The following MIPOL1 variants were observed in gnomAD, a reference collection of about 807,000 sequenced individuals.
MIPOL1 encodes mirror-image polydactyly gene 1 protein.
MIPOL1 carries 57 observed loss-of-function variants against 60.9 expected under a neutral mutation model. The ratio of observed to expected loss-of-function variants is 0.94; its 90% CI spans 0.76 to 1.17. MIPOL1 has a LOEUF of 1.17. MIPOL1 is among the 50% of genes most tolerant of loss of function. The probability of loss-of-function intolerance (pLI) is 0.00; values close to 1 mark genes in which losing one functional copy is unlikely to be tolerated. For missense variants in MIPOL1, 551 were observed against 511.6 expected (o/e 1.08, Z -0.74); for synonymous variants, 179 against 168.8 (o/e 1.06, Z -0.47).
At chr14:37,295,412 C>A (rs2085544005) in intron 7 of MIPOL1, among the ~76,000 whole-genome samples, 2 of 152,268 alleles carry the variant, frequency 1.3e-5, no homozygotes, top group South Asian at 4.2e-4. Context: ...AGCAAAATAA[C>A]CAGCTAACAT....
chr14:37,375,132 C>T (rs950391174), intron 10 of MIPOL1, among the ~76,000 whole-genome samples: 3 of 152,008 alleles, frequency 2.0e-5, no homozygotes, highest in Admixed American at 6.6e-5. Context: ...GTATTTTATT[C>T]TTTTTGTAGC....
chr14:37,337,340 ATATATATATATATATATTTTTTTTTTTT>A (rs1380411447), intron 9 of MIPOL1, among the ~76,000 whole-genome samples: 1 of 21,356 alleles, frequency 4.7e-5, no homozygotes, highest in Admixed American at 6.3e-4. Context: ...ATATATATAT[ATATATATATATATATATTTTTTTTTTTT>A]TTTTTTTTTT....
In MIPOL1 at chr14:37,455,895, C is replaced by A. The variant is rs374553918; in HGVS notation, c.1031+32946C>A. On this transcript the variant is annotated intron_variant, in intron 11 of 12. Coordinates refer to ENST00000684589, the MANE Select transcript of MIPOL1 (RefSeq NM_001388067.1). ...TGTGTTTCATTGTGATGTCAATAATCTCCTTAATAGCTCAGATTTAGTAAG... is the reference window on the plus strand; with the variant it reads ...TGTGTTTCATTGTGATGTCAATAATATCCTTAATAGCTCAGATTTAGTAAG... Among the ~76,000 whole-genome samples the A allele has an allele frequency of 2.0e-3, 299 of 152,138 alleles. 2 individuals are homozygous for A. The highest frequency in any genetic ancestry group is 6.7e-3 in the African/African-American group (278 of 41,534).
intron 11 of MIPOL1, among the ~76,000 whole-genome samples, chr14:37,459,971 C>T (rs2094521281): frequency 6.6e-6 from 1 of 151,960 alleles, no homozygotes; most frequent in African/African-American, 2.4e-5. Context: ...CGCAGCTACT[C>T]AGGAGGCTGA....
intron 11 of MIPOL1, among the ~76,000 whole-genome samples, chr14:37,445,349 A>G (rs1185074588): frequency 3.0e-4 from 45 of 152,218 alleles, no homozygotes; most frequent in East Asian, 2.1e-3. Context: ...AAAATACCTA[A>G]GAATCCAACT....
intron 9 of MIPOL1, among the ~76,000 whole-genome samples, chr14:37,359,191 A>AT (rs1397567964): frequency 8.5e-5 from 13 of 152,078 alleles, no homozygotes; most frequent in African/African-American, 3.1e-4. Flanking sequence ...CGATTGGTCT[A>AT]TATATCTGTT....
chr14:37,462,735 G>A (rs765314240), intron 11 of MIPOL1, among the ~76,000 whole-genome samples: 23 of 152,210 alleles, frequency 1.5e-4, no homozygotes, highest in East Asian at 7.7e-4. Context: ...GCTGCCAGTC[G>A]CTTTATTAAA....
chr14:37,305,442 T>C (rs965381461), intron 7 of MIPOL1, among the ~76,000 whole-genome samples: 8 of 151,816 alleles, frequency 5.3e-5, no homozygotes, highest in African/African-American at 1.7e-4. Context: ...TGATCACTTA[T>C]TGTGTATGGC....
chr14:37,280,760 G>A (rs889175084), intron 6 of MIPOL1, among the ~76,000 whole-genome samples: 4 of 152,202 alleles, frequency 2.6e-5, no homozygotes, highest in African/African-American at 9.6e-5. Flanking sequence ...CTGGGTTCAA[G>A]TGATTCTCAT....
intron 12 of MIPOL1, among the ~76,000 whole-genome samples, chr14:37,539,254 C>A (rs922577587): frequency 6.6e-6 from 1 of 152,096 alleles, no homozygotes; most frequent in Non-Finnish European, 1.5e-5. Flanking sequence ...CCCAAATTGA[C>A]ATGATTAAAT....
chr14:37,492,676 A>G (rs1263400460), intron 11 of MIPOL1, among the ~76,000 whole-genome samples: 3 of 151,884 alleles, frequency 2.0e-5, no homozygotes, highest in Non-Finnish European at 2.9e-5. Flanking sequence ...TTCCAATGTC[A>G]CTCAGAGTGA....
chr14:37,483,868 T>C lies in MIPOL1; in HGVS notation c.1032-16040T>C, dbSNP rs537817054. Among the ~76,000 whole-genome samples, 6 of 152,282 alleles carry C rather than the reference T, an allele frequency of 3.9e-5. No individual in the cohort carries two copies. The East Asian group carries it at 9.7e-4, about 25-fold the overall frequency. ...GCAAGCTGGCCTTGATCTCCTGGCC[T>C]CAAGCAGTCCTCCCACCTCAGTTTT... On this transcript the variant is annotated intron_variant, in intron 11 of 12. Transcript: ENST00000684589.
rs560228993 is a variant in MIPOL1 at position 37,396,759 on chromosome 14, A to G, written c.937-26096A>G. On this transcript the variant is annotated intron_variant, in intron 10 of 12. Transcript: ENST00000684589. ...TGAATTTCTTTCTTCTACTTGTTCT[A>G]TTCTATTGCCGAGACTTTCCAGAGC... 3.3e-5 allele frequency among the ~76,000 whole-genome samples: 5 copies of G among 152,050 alleles called. No homozygotes were observed. The South Asian group carries it at 6.2e-4, about 19-fold the overall frequency.
intron 9 of MIPOL1, among the ~76,000 whole-genome samples, chr14:37,343,070 G>A (rs976986484): frequency 6.6e-6 from 1 of 150,676 alleles, no homozygotes; most frequent in African/African-American, 2.4e-5. Flanking sequence ...CTGATATGTT[G>A]CCTAATGGAT....
chr14:37,399,062 G>A (rs2093431817), intron 10 of MIPOL1, among the ~76,000 whole-genome samples: 1 of 151,638 alleles, frequency 6.6e-6, no homozygotes, highest in South Asian at 2.1e-4. Context: ...AGTGCTGACA[G>A]AATCAGCTCT....
chr14:37,526,856 A>C (rs1455429781), intron 12 of MIPOL1, among the ~76,000 whole-genome samples: 1 of 152,138 alleles, frequency 6.6e-6, no homozygotes, highest in African/African-American at 2.4e-5. Context: ...TCAAATTGTT[A>C]TTTTAAAAAG....
chr14:37,379,800 A>G lies in MIPOL1; in HGVS notation c.936+10176A>G, dbSNP rs923249620. On this transcript the variant is annotated intron_variant, in intron 10 of 12. Transcript: ENST00000684589. ...TTGAGGAGCTCAGTTATTAAGTAAA[A>G]GTGGGAAGGTTAGTGTATAATGTGT... 2.6e-5 allele frequency among the ~76,000 whole-genome samples: 4 copies of G among 152,218 alleles called. No homozygotes were observed. The South Asian group carries it at 6.2e-4, about 24-fold the overall frequency.
At chr14:37,221,292 C>G (rs547910406) in intron 1 of MIPOL1, among the ~76,000 whole-genome samples, 1 of 152,234 alleles carries the variant, frequency 6.6e-6, no homozygotes, top group South Asian at 2.1e-4. Context: ...CATCTCATGG[C>G]AACAGGTGGA....
chr14:37,392,503 A>G (rs142007710), intron 10 of MIPOL1, among the ~76,000 whole-genome samples: 27 of 152,252 alleles, frequency 1.8e-4, no homozygotes, highest in Admixed American at 1.2e-3. Flanking sequence ...TCCATTATGT[A>G]TACCTTTTAT....
Sources: allele counts gnomAD v4.1 joint callset (sites outside exome capture counted in the v4.1 genomes callset), GRCh38; gene constraint gnomAD v4.1.1; transcripts MANE v1.5; gene names NCBI Gene and HGNC (gene_info 2026-07-23, HGNC 2026-07-21).